Variants in CDH8 observed in about 807,000 individuals in gnomAD.
The protein encoded by CDH8 is cadherin 8.
Under a neutral mutation model 68.1 loss-of-function variants are expected in CDH8, and 17 were observed. The observed-to-expected ratio is 0.25, with a 90% confidence interval of 0.17 to 0.37. The LOEUF is 0.37. Among genes scored for constraint, CDH8 ranks in the 10% least tolerant of loss-of-function variants. The pLI, the probability that CDH8 is intolerant of heterozygous loss-of-function variation, is 1.00. For missense variants in CDH8, 763 were observed against 999.3 expected (o/e 0.76, Z 3.19); for synonymous variants, 372 against 365.1 (o/e 1.02, Z -0.21).
intron 8 of CDH8, among the ~76,000 whole-genome samples, chr16:61,783,674 G>C (rs1266175518): frequency 6.6e-6 from 1 of 150,410 alleles, no homozygotes; most frequent in Non-Finnish European, 1.5e-5. Flanking sequence ...AAAATGTTAA[G>C]GGCAGCCAGA....
intron 3 of CDH8, among the ~76,000 whole-genome samples, chr16:61,893,162 G>A (rs1331349586): frequency 6.6e-6 from 1 of 152,100 alleles, no homozygotes; most frequent in Non-Finnish European, 1.5e-5. Context: ...GGCTGTGGCA[G>A]CAAAACTCCA....
intron 10 of CDH8, among the ~76,000 whole-genome samples, chr16:61,689,341 G>A (rs1964171896): frequency 6.6e-6 from 1 of 151,952 alleles, no homozygotes; most frequent in East Asian, 1.9e-4. Context: ...CTTTTGTAGG[G>A]TTGTCATAGG....
intron 2 of CDH8, among the ~76,000 whole-genome samples, chr16:61,942,846 A>G (rs559527005): frequency 1.0e-3 from 159 of 152,272 alleles, no homozygotes; most frequent in African/African-American, 3.6e-3. Flanking sequence ...CTGAGGTGTG[A>G]GGCTCACTTG....
At chr16:61,696,398 A>C (rs1392290518) in intron 10 of CDH8, among the ~76,000 whole-genome samples, 3 of 152,234 alleles carry the variant, frequency 2.0e-5, no homozygotes, top group Admixed American at 2.0e-4. Flanking sequence ...AATGCAAATC[A>C]AAACCACAAT....
At chr16:61,916,794 G>T (rs1964245495) in intron 2 of CDH8, among the ~76,000 whole-genome samples, 1 of 152,016 alleles carries the variant, frequency 6.6e-6, no homozygotes, top group African/African-American at 2.4e-5. Context: ...TTCAATATTG[G>T]TGCATTTGAG....
At chr16:61,968,310 G>A (rs559880789) in intron 2 of CDH8, among the ~76,000 whole-genome samples, 3 of 152,232 alleles carry the variant, frequency 2.0e-5, no homozygotes, top group South Asian at 2.1e-4. Context: ...ATTCACCCTC[G>A]TCTATTGAGT....
rs552230486 is a variant in CDH8, at chr16:61,928,697, G to C, written c.253-27224C>G. ...TTTATTTTAGACACACTATGAAAAT[G>C]GGTGATATAAGGACTCTTTATAGGT... On this transcript the variant is annotated intron_variant, in intron 2 of 11. Coordinates refer to ENST00000577390, the MANE Select transcript of CDH8 (RefSeq NM_001796.5). Among the ~76,000 whole-genome samples, 15 of 152,264 alleles carry C rather than the reference G, an allele frequency of 9.9e-5. No individual in the cohort carries two copies. In the South Asian group the frequency reaches 1.9e-3, roughly 19 times the overall value.
In CDH8 at chr16:61,654,546, C is replaced by T. The variant is rs533804631; in HGVS notation, c.1907-445G>A. Among the ~76,000 whole-genome samples, 12 of 152,168 alleles carry T rather than the reference C, an allele frequency of 7.9e-5. No homozygotes were observed. The East Asian group carries it at 2.3e-3, about 29-fold the overall frequency. ...CTTGGGCTTTCACAGTTTTTCAAGG[C>T]ACTCTCCAATTAAATTATGTTCTTT... is the stretch of plus-strand genomic sequence containing the variant. On this transcript the variant is annotated intron_variant, in intron 11 of 11. Transcript: ENST00000577390.
chr16:61,684,556 G>A (rs1964072569), intron 10 of CDH8, among the ~76,000 whole-genome samples: 1 of 151,786 alleles, frequency 6.6e-6, no homozygotes, highest in Non-Finnish European at 1.5e-5. Flanking sequence ...AAAATTTCAC[G>A]CTACATTTTG....
At position 61,727,268 on chromosome 16, in the gene CDH8, C is replaced by T. The variant is rs913126767; in HGVS notation, c.1415-53G>A. The T allele has an allele frequency of 2.4e-5, 37 of 1,525,322 alleles. No individual in the cohort carries two copies. In the East Asian group the frequency reaches 6.6e-4, roughly 27 times the overall value. The allele number at this position is 1,525,322 out of a possible 1,614,324, so 94.5% of individuals were successfully genotyped here. On this transcript the variant is annotated intron_variant, in intron 8 of 11. Transcript: ENST00000577390. ...ATTGAGGGTATTTCATTTTAACGTG[C>T]AACTCAACTTTCTCTTGAAAGCATG...
intron 2 of CDH8, among the ~76,000 whole-genome samples, chr16:61,976,084 C>T (rs1965428669): frequency 6.6e-6 from 1 of 152,124 alleles, no homozygotes; most frequent in Non-Finnish European, 1.5e-5. Context: ...AATAACACTC[C>T]TTTTCTACTA....
chr16:61,648,917 A>G lies in CDH8; in HGVS notation c.*4691T>C, dbSNP rs1489270093. On this transcript the variant is annotated 3_prime_UTR_variant, in exon 12 of 12. Coordinates refer to ENST00000577390, the MANE Select transcript of CDH8 (RefSeq NM_001796.5). ...GTAATCCATAAATTTGTGTTGACTAAAACTACAATGACAATAAATGTATTT... is the reference window on the plus strand; with the variant it reads ...GTAATCCATAAATTTGTGTTGACTAGAACTACAATGACAATAAATGTATTT... 6.6e-6 allele frequency: 1 copy of G among 152,008 alleles called. No individual in the cohort carries two copies. The highest frequency in any genetic ancestry group is 1.5e-5 in the Non-Finnish European group (1 of 67,956). 9.4% of individuals were successfully genotyped at this position (152,008 alleles called of 1,614,324 possible).
At chr16:61,721,744 G>T (rs574361918) in intron 9 of CDH8, among the ~76,000 whole-genome samples, 1 of 150,792 alleles carries the variant, frequency 6.6e-6, no homozygotes, top group Non-Finnish European at 1.5e-5. Context: ...TCAAAGTTCT[G>T]CTTCCTTGGA....
chr16:61,810,274 G>T (rs1961909445), intron 7 of CDH8, among the ~76,000 whole-genome samples: 1 of 152,134 alleles, frequency 6.6e-6, no homozygotes, highest in African/African-American at 2.4e-5. Flanking sequence ...TGCACTTTGA[G>T]TATCAAAAAT....
chr16:61,695,131 C>T (rs527398244), intron 10 of CDH8, among the ~76,000 whole-genome samples: 1 of 151,988 alleles, frequency 6.6e-6, no homozygotes, highest in Admixed American at 6.6e-5. Flanking sequence ...CACAAATTCC[C>T]ATAATGTGAA....
At chr16:61,871,222 T>A (rs1363336028) in intron 3 of CDH8, among the ~76,000 whole-genome samples, 1 of 151,924 alleles carries the variant, frequency 6.6e-6, no homozygotes, top group African/African-American at 2.4e-5. Flanking sequence ...CACTCTGTTA[T>A]CCAAACTGAG....
chr16:61,890,420 CT>C (rs1419159084), intron 3 of CDH8, among the ~76,000 whole-genome samples: 1 of 152,136 alleles, frequency 6.6e-6, no homozygotes, highest in African/African-American at 2.4e-5. Flanking sequence ...AGTGTTGCCT[CT>C]TCACTTAGAC....
intron 4 of CDH8, among the ~76,000 whole-genome samples, chr16:61,830,979 C>G (rs1004789848): frequency 4.0e-5 from 6 of 151,698 alleles, no homozygotes; most frequent in South Asian, 2.1e-4. Context: ...AATCAGCTAG[C>G]CTTGGACTAA....
chr16:62,025,685 T>G (rs1173029706), intron 1 of CDH8, among the ~76,000 whole-genome samples: 1 of 152,218 alleles, frequency 6.6e-6, no homozygotes, highest in Non-Finnish European at 1.5e-5. Flanking sequence ...ACTTTAAATT[T>G]TATTGAAATA....
Sources: gnomAD v4.1 joint callset for allele counts (sites outside exome capture counted in the v4.1 genomes callset) on GRCh38, gnomAD v4.1.1 for gene constraint, MANE v1.5 for transcripts, NCBI Gene and HGNC (gene_info 2026-07-23, HGNC 2026-07-21) for gene names.